The following SNX1 variants were observed in gnomAD, a reference collection of about 807,000 sequenced individuals.
SNX1 encodes the protein sorting nexin 1.
SNX1 carries 36 observed loss-of-function variants against 71.8 expected under a neutral mutation model. The observed-to-expected ratio is 0.50, with a 90% CI of 0.38 to 0.66. SNX1 has a LOEUF of 0.66. Ranked by LOEUF, SNX1 falls within the 30% of genes least tolerant of loss-of-function variation. The pLI, the probability that SNX1 is intolerant of heterozygous loss-of-function variation, is 0.00. For synonymous variants in SNX1, 254 were observed against 240.7 expected (o/e 1.06, Z -0.51); for missense variants, 612 against 646.7 (o/e 0.95, Z 0.58).
intron 7 of SNX1, 53 bp downstream of exon 7, chr15:64,127,305 G>T: frequency 7.2e-7 from 1 of 1,393,692 alleles, no homozygotes. Flanking sequence ...ATGAAAAGCT[G>T]AAAAGTGAGT....
At chr15:64,133,383 A>C (rs984403050) in intron 11 of SNX1, among the ~76,000 whole-genome samples, 1 of 152,226 alleles carries the variant, frequency 6.6e-6, no homozygotes, top group Non-Finnish European at 1.5e-5. Context: ...GTGGCATTGC[A>C]TTCCCTAAGG....
At chr15:64,124,601 G>A (rs968448555) in intron 5 of SNX1, among the ~76,000 whole-genome samples, 6 of 151,550 alleles carry the variant, frequency 4.0e-5, no homozygotes, top group African/African-American at 1.5e-4. Context: ...CATGGCTGTA[G>A]TTAGTTCATA....
intron 4 of SNX1, among the ~76,000 whole-genome samples, chr15:64,123,217 G>A (rs1413242698): frequency 1.3e-5 from 2 of 152,194 alleles, no homozygotes; most frequent in South Asian, 4.1e-4. Flanking sequence ...GCTGCTTTGT[G>A]GAGGGTATAA....
At chr15:64,122,413 C>T (rs1253542183) in intron 4 of SNX1, among the ~76,000 whole-genome samples, 1 of 152,100 alleles carries the variant, frequency 6.6e-6, no homozygotes, top group Non-Finnish European at 1.5e-5. Context: ...TATATACACC[C>T]TTTTGGTAGG....
intron 1 of SNX1, among the ~76,000 whole-genome samples, chr15:64,098,483 C>T (rs2080925596): frequency 6.6e-6 from 1 of 152,100 alleles, no homozygotes; most frequent in Non-Finnish European, 1.5e-5. Flanking sequence ...CACTTGAGGC[C>T]AGGAATCGAG....
intron 1 of SNX1, among the ~76,000 whole-genome samples, chr15:64,104,446 T>G (rs899805079): frequency 1.3e-5 from 2 of 152,078 alleles, no homozygotes; most frequent in African/African-American, 4.8e-5. Flanking sequence ...CTAATTTTTT[T>G]GTATTTCTAG....
chr15:64,115,467 C>A, intron 2 of SNX1: 1 of 338,584 alleles, frequency 3.0e-6, no homozygotes, highest in South Asian at 2.2e-5. Context: ...TTCCAGTACT[C>A]TTAACAGGAG....
intron 11 of SNX1, among the ~76,000 whole-genome samples, chr15:64,133,515 A>T (rs1191504742): frequency 6.6e-6 from 1 of 152,184 alleles, no homozygotes; most frequent in East Asian, 1.9e-4. Flanking sequence ...GGATCACCTG[A>T]GGTCAGGAGT....
rs1275265731 is a variant in SNX1, at chr15:64,131,827, A to G, written c.1156A>G (p.Asn386Asp). The G allele has an allele frequency of 1.1e-5, 18 of 1,614,098 alleles. No individual in the cohort carries two copies. Among genetic ancestry groups the G allele is most frequent in the Non-Finnish European group, 1.4e-5 (16 of 1,180,040 alleles). Residue 386 changes from asparagine (N) to aspartate (D), a missense_variant, in exon 11 of 15, where the codon AAC becomes GAC. Around this residue, in one of 2 missense-constraint regions of SNX1, gnomAD observed 296 missense variants for 361.9 expected, o/e 0.82. Transcript: ENST00000559844. ...TGAGCAGCTCCACCAGGAACAGGCC[A>G]ACAATGACTTCTTCCTCCTTGCTGA... is the stretch of plus-strand genomic sequence containing the variant. ...KIEQLHQEQA[N>D]NDFFLLAELL...
intron 13 of SNX1, 103 bp downstream of exon 13, chr15:64,136,513 C>T (rs1424044148): frequency 8.9e-6 from 9 of 1,012,946 alleles, no homozygotes; most frequent in Middle Eastern, 4.0e-4. Flanking sequence ...GTGCCAGTAA[C>T]TTGGCAGTTC....
At chr15:64,136,128 C>T (rs1311587307) in intron 12 of SNX1, among the ~76,000 whole-genome samples, 1 of 152,252 alleles carries the variant, frequency 6.6e-6, no homozygotes, top group Admixed American at 6.5e-5. Flanking sequence ...ACAGGCATCT[C>T]TTTTCCAGTC....
chr15:64,123,450 T>C, intron 4 of SNX1, 53 bp from the exon 5 acceptor site: 1 of 1,462,358 alleles, frequency 6.8e-7, no homozygotes, highest in South Asian at 1.1e-5. Flanking sequence ...GTTAGCTGGA[T>C]TGGCACTGCT....
chr15:64,099,231 C>T (rs1223738564), intron 1 of SNX1, among the ~76,000 whole-genome samples: 3 of 152,318 alleles, frequency 2.0e-5, no homozygotes, highest in Admixed American at 6.5e-5. Context: ...TTACTCTCTA[C>T]AGTTTCCTCA....
chr15:64,102,304 A>G (rs1459211923), intron 1 of SNX1, among the ~76,000 whole-genome samples: 3 of 152,150 alleles, frequency 2.0e-5, no homozygotes, highest in African/African-American at 7.2e-5. Context: ...TAGGATACAC[A>G]TGGTATTTTG....
Position 64,127,723 on chromosome 15 carries a change from C to T in SNX1, c.732-8C>T. 1 of 1,611,772 alleles carries T rather than the reference C, an allele frequency of 6.2e-7. No homozygotes were observed. Among genetic ancestry groups the T allele is most frequent in the Non-Finnish European group, 8.5e-7 (1 of 1,177,928 alleles). On this transcript the variant is annotated splice_polypyrimidine_tract_variant and splice_region_variant and intron_variant, in intron 7 of 14. Transcript: ENST00000559844. Reference sequence around the variant, plus strand: ...CAACTAACCAGATGATAACTGCTTACCTTTTAGGTACCTTCAGAGGATTGT... The same window carrying T: ...CAACTAACCAGATGATAACTGCTTATCTTTTAGGTACCTTCAGAGGATTGT...
At chr15:64,113,801 A>T (rs972469916) in intron 2 of SNX1, among the ~76,000 whole-genome samples, 8 of 151,332 alleles carry the variant, frequency 5.3e-5, no homozygotes, top group Non-Finnish European at 1.0e-4. Flanking sequence ...AGCCTGGGTG[A>T]CAGAGCAAGA....
rs765841230 is a variant in SNX1 at position 64,118,175 on chromosome 15, C to T, written c.330C>T (p.Ala110=). ...AAAATAATCAGAAGAAGGTGCTAGCCAAAACACTCATTTCTCTTCCTCCTC... is the reference window on the plus strand; with the variant it reads ...AAAATAATCAGAAGAAGGTGCTAGCTAAAACACTCATTTCTCTTCCTCCTC... ...STQNNQKKVL[A]KTLISLPPQE... The change falls in exon 3 of 15, where the codon GCC becomes GCT. Residue 110 remains alanine, a synonymous_variant. Transcript: ENST00000559844. 4 of 1,613,326 alleles carry T rather than the reference C, an allele frequency of 2.5e-6. No homozygotes were observed. The highest frequency in any genetic ancestry group is 1.3e-5 in the African/African-American group (1 of 74,958).
In SNX1 at chr15:64,143,602, T is replaced by C. The variant is rs2081435847; in HGVS notation, c.*5984T>C. ...TCATGGAAACTGATTGCAAATGTGC[T>C]ACTTCTCACTTCTGTGTGGCCCGAG... On this transcript the variant is annotated 3_prime_UTR_variant, in exon 15 of 15. Transcript: ENST00000559844. 6.6e-6 allele frequency: 1 copy of C among 152,266 alleles called. No individual in the cohort carries two copies. Among genetic ancestry groups the C allele is most frequent in the Non-Finnish European group, 1.5e-5 (1 of 68,056 alleles). The allele number at this position is 152,266 out of a possible 1,614,324, so 9.4% of individuals were successfully genotyped here.
intron 1 of SNX1, among the ~76,000 whole-genome samples, chr15:64,104,226 A>C (rs79227106): frequency 0.02 from 3,076 of 151,926 alleles, 41 homozygotes; most frequent in South Asian, 0.037. Flanking sequence ...ATTATGGAGG[A>C]AAAGCTAATA....
Sources: allele counts gnomAD v4.1 joint callset (sites outside exome capture counted in the v4.1 genomes callset), GRCh38; gene constraint gnomAD v4.1.1; regional missense constraint gnomAD v4.1.1; transcripts MANE v1.5; gene names NCBI Gene and HGNC (gene_info 2026-07-23, HGNC 2026-07-21).